The following GALNT13 variants were observed in gnomAD, a reference collection of about 807,000 sequenced individuals.
GALNT13 encodes polypeptide N-acetylgalactosaminyltransferase 13.
In GALNT13, 28 loss-of-function variants were observed where a neutral mutation model predicts 64.2. The ratio of observed to expected loss-of-function variants is 0.44; its 90% confidence interval spans 0.32 to 0.60. GALNT13 has a LOEUF of 0.60. Ranked by LOEUF, GALNT13 falls within the 20% of genes least tolerant of loss-of-function variation. GALNT13 has a pLI of 0.05. For missense variants in GALNT13, 577 were observed against 669.8 expected (o/e 0.86, Z 1.53); for synonymous variants, 214 against 224.6 (o/e 0.95, Z 0.42).
the GALNT13 span, among the ~76,000 whole-genome samples, chr2:153,381,052 T>C: frequency 6.6e-6 from 1 of 151,894 alleles, no homozygotes; most frequent in Non-Finnish European, 1.5e-5. Flanking sequence ...TCTCCCATTA[T>C]ATATCATTAT....
the GALNT13 span, among the ~76,000 whole-genome samples, chr2:153,215,092 A>C: frequency 6.6e-6 from 1 of 152,078 alleles, no homozygotes; most frequent in African/African-American, 2.4e-5. Flanking sequence ...TGGGTTCTTC[A>C]TATCTTAACT....
At chr2:154,374,771 A>G (rs1308521644) in intron 9 of GALNT13, among the ~76,000 whole-genome samples, 1 of 152,170 alleles carries the variant, frequency 6.6e-6, no homozygotes, top group African/African-American at 2.4e-5. Context: ...AACCCAGCTT[A>G]TACTGTACTT....
chr2:154,327,293 G>C (rs1440932508), intron 9 of GALNT13, among the ~76,000 whole-genome samples: 1 of 152,056 alleles, frequency 6.6e-6, no homozygotes, highest in Non-Finnish European at 1.5e-5. Context: ...TGAACTGTGA[G>C]TCAACTAAAC....
chr2:153,422,190 A>G, the GALNT13 span, among the ~76,000 whole-genome samples: 1 of 152,260 alleles, frequency 6.6e-6, no homozygotes, highest in African/African-American at 2.4e-5. Context: ...GGATTTGGCT[A>G]AAACCACAAT....
the GALNT13 span, among the ~76,000 whole-genome samples, chr2:153,398,828 T>C: frequency 1.4e-5 from 2 of 138,730 alleles, no homozygotes; most frequent in African/African-American, 5.5e-5. Flanking sequence ...TATTAGCCCT[T>C]TGTCAGATGA....
At chr2:153,731,277 A>T in the GALNT13 span, among the ~76,000 whole-genome samples, 3 of 151,898 alleles carry the variant, frequency 2.0e-5, no homozygotes, top group Non-Finnish European at 4.4e-5. Flanking sequence ...ACATGTTCTC[A>T]TGTATAAGTG....
At chr2:153,677,280 G>GACAC in the GALNT13 span, among the ~76,000 whole-genome samples, 8 of 114,364 alleles carry the variant, frequency 7.0e-5, no homozygotes, top group Non-Finnish European at 7.1e-5. Context: ...ATTCACAATA[G>GACAC]ACATACACAC....
the GALNT13 span, among the ~76,000 whole-genome samples, chr2:153,084,169 G>A: frequency 3.7e-4 from 57 of 152,156 alleles, no homozygotes; most frequent in Non-Finnish European, 1.0e-4. Flanking sequence ...GTTGGATAAT[G>A]TGATACCTCC....
the GALNT13 span, among the ~76,000 whole-genome samples, chr2:153,616,537 TATTG>T: frequency 1.6e-4 from 24 of 152,058 alleles, no homozygotes; most frequent in Non-Finnish European, 2.5e-4. Context: ...ATTTTAACAA[TATTG>T]ATTCTTCCAA....
chr2:153,525,405 A>G, the GALNT13 span, among the ~76,000 whole-genome samples: 1 of 152,182 alleles, frequency 6.6e-6, no homozygotes, highest in Non-Finnish European at 1.5e-5. Context: ...CACCGTAAGC[A>G]CCAGCTTGGC....
At position 154,251,750 on chromosome 2, in the gene GALNT13, T is replaced by C. The variant is rs190878243; in HGVS notation, c.857+5768T>C. Reference sequence around the variant, plus strand: ...TTTAATTACATTCAGCATTTAATTATTCATCACTCTGATAGAAAAGCATTT... The same window carrying C: ...TTTAATTACATTCAGCATTTAATTACTCATCACTCTGATAGAAAAGCATTT... On this transcript the variant is annotated intron_variant, in intron 7 of 12. Transcript: ENST00000392825. Among the ~76,000 whole-genome samples, 3 of 152,312 alleles carry C rather than the reference T, an allele frequency of 2.0e-5. No individual in the cohort carries two copies. The East Asian group carries it at 5.8e-4, about 29-fold the overall frequency.
chr2:154,281,935 G>C (rs1217788627), intron 8 of GALNT13, among the ~76,000 whole-genome samples: 1 of 151,910 alleles, frequency 6.6e-6, no homozygotes, highest in Non-Finnish European at 1.5e-5. Context: ...AGGTCAATTT[G>C]CTAATTCCTT....
At chr2:153,993,594 G>A (rs1342906818) in intron 3 of GALNT13, among the ~76,000 whole-genome samples, 1 of 151,186 alleles carries the variant, frequency 6.6e-6, no homozygotes, top group Admixed American at 6.6e-5. Flanking sequence ...CTACTCGGGA[G>A]GCTGAGGCAG....
chr2:153,762,950 TATAAC>T, the GALNT13 span, among the ~76,000 whole-genome samples: 1 of 151,968 alleles, frequency 6.6e-6, no homozygotes, highest in South Asian at 2.1e-4. Context: ...AAAACATACT[TATAAC>T]AAACTATTTT....
intron 9 of GALNT13, among the ~76,000 whole-genome samples, chr2:154,317,507 A>T (rs558380334): frequency 9.2e-5 from 14 of 152,326 alleles, no homozygotes; most frequent in African/African-American, 3.4e-4. Flanking sequence ...TAACTCTAAA[A>T]TTCTACCATC....
At chr2:153,851,130 G>A in the GALNT13 span, among the ~76,000 whole-genome samples, 1 of 152,222 alleles carries the variant, frequency 6.6e-6, no homozygotes, top group African/African-American at 2.4e-5. Context: ...ATCAAATTAA[G>A]TGATAGAAAA....
chr2:153,251,032 TTAAAG>T, the GALNT13 span, among the ~76,000 whole-genome samples: 2 of 152,058 alleles, frequency 1.3e-5, no homozygotes, highest in Non-Finnish European at 2.9e-5. Context: ...ATCCCAACAC[TTAAAG>T]TAAAATAAAA....
intron 3 of GALNT13, among the ~76,000 whole-genome samples, chr2:154,031,701 T>G (rs1052870283): frequency 2.6e-5 from 4 of 151,844 alleles, no homozygotes; most frequent in Admixed American, 2.6e-4. Context: ...GAAGACACCT[T>G]CAGTCCCAAA....
chr2:153,825,242 C>G, the GALNT13 span, among the ~76,000 whole-genome samples: 1 of 152,082 alleles, frequency 6.6e-6, no homozygotes, highest in African/African-American at 2.4e-5. Flanking sequence ...CAGGACATCC[C>G]TAATAATAAA....
Sources: gnomAD v4.1 joint callset for allele counts (sites outside exome capture counted in the v4.1 genomes callset) on GRCh38, gnomAD v4.1.1 for gene constraint, MANE v1.5 for transcripts, NCBI Gene and HGNC (gene_info 2026-07-23, HGNC 2026-07-21) for gene names.